Variants in SLC12A8 observed in about 807,000 individuals in gnomAD.
SLC12A8 encodes the protein cation-chloride cotransporter 9.
A neutral mutation model predicts 75.6 loss-of-function variants in SLC12A8; 69 were observed. The observed-to-expected ratio is 0.91, with a 90% confidence interval of 0.75 to 1.11. The LOEUF is 1.11. Among genes scored for constraint, SLC12A8 ranks in the 50% most tolerant of loss-of-function variants. The pLI is 0.00. For synonymous variants in SLC12A8, 365 were observed against 372.8 expected (o/e 0.98, Z 0.24); for missense variants, 877 against 896.7 (o/e 0.98, Z 0.28).
chr3:125,112,202 T>A (rs1489545238), intron 8 of SLC12A8, among the ~76,000 whole-genome samples: 1 of 152,218 alleles, frequency 6.6e-6, no homozygotes, highest in East Asian at 1.9e-4. Context: ...TAAGGTCCAC[T>A]ACGGAGCCCA....
intron 6 of SLC12A8, among the ~76,000 whole-genome samples, chr3:125,125,359 A>G (rs1257434864): frequency 6.6e-6 from 1 of 152,034 alleles, no homozygotes; most frequent in African/African-American, 2.4e-5. Flanking sequence ...GGAGTTGGAG[A>G]CCAGCCTGAC....
At chr3:125,108,151 G>C (rs1939088300) in intron 9 of SLC12A8, 25 bp from the exon 10 acceptor site, 2 of 1,586,008 alleles carry the variant, frequency 1.3e-6, no homozygotes, top group Non-Finnish European at 1.7e-6. Context: ...ATAACATGCA[G>C]GACCATAAAA....
chr3:125,193,294 T>G (rs1934942350), intron 2 of SLC12A8, among the ~76,000 whole-genome samples: 2 of 152,112 alleles, frequency 1.3e-5, no homozygotes, highest in South Asian at 4.2e-4. Context: ...CACTTGAACC[T>G]GGGAGGCTGA....
chr3:125,175,400 G>C (rs979122932), intron 5 of SLC12A8, among the ~76,000 whole-genome samples: 2 of 152,146 alleles, frequency 1.3e-5, no homozygotes, highest in Non-Finnish European at 2.9e-5. Flanking sequence ...GATTCTTGAG[G>C]AGCCAGTTGC....
intron 2 of SLC12A8, among the ~76,000 whole-genome samples, chr3:125,197,634 G>A (rs1440825414): frequency 6.6e-6 from 1 of 152,158 alleles, no homozygotes; most frequent in Non-Finnish European, 1.5e-5. Context: ...TTGTCACTGA[G>A]TGGACCTGGA....
At chr3:125,201,585 C>A (rs1470146728) in intron 2 of SLC12A8, among the ~76,000 whole-genome samples, 1 of 149,934 alleles carries the variant, frequency 6.7e-6, no homozygotes, top group Non-Finnish European at 1.5e-5. Flanking sequence ...CCAGCCTGGG[C>A]AAAATGGCAA....
At chr3:125,127,619 G>T (rs1933241157) in intron 6 of SLC12A8, among the ~76,000 whole-genome samples, 1 of 152,220 alleles carries the variant, frequency 6.6e-6, no homozygotes, top group South Asian at 2.1e-4. Flanking sequence ...CGCAAGTGAG[G>T]GACCTTGAAG....
At chr3:125,120,176 T>C (rs2107750538) in intron 7 of SLC12A8, among the ~76,000 whole-genome samples, 1 of 152,242 alleles carries the variant, frequency 6.6e-6, no homozygotes, top group Non-Finnish European at 1.5e-5. Context: ...TCCAGAGTCA[T>C]GCAGCCAATC....
At position 125,190,357 on chromosome 3, in the gene SLC12A8, C is replaced by T. The variant is rs1305127518; in HGVS notation, c.198+18G>A. On this transcript the variant is annotated intron_variant, in intron 3 of 13. Coordinates refer to ENST00000469902, the MANE Select transcript of SLC12A8 (RefSeq NM_024628.6). ...CTTGGGCCCGTGAGAGGCTCCAGGC[C>T]ACCAACTCAGCACTCACCACCAGCC... The T allele has an allele frequency of 6.2e-7, 1 of 1,613,324 alleles. No individual in the cohort carries two copies. Among genetic ancestry groups the T allele is most frequent in the African/African-American group, 1.3e-5 (1 of 74,908 alleles).
chr3:125,185,043 G>A (rs187264569), intron 4 of SLC12A8, among the ~76,000 whole-genome samples: 73 of 145,826 alleles, frequency 5.0e-4, no homozygotes, highest in Non-Finnish European at 1.1e-4. Flanking sequence ...ATTCATGGCC[G>A]AGCACAGTGG....
intron 5 of SLC12A8, among the ~76,000 whole-genome samples, chr3:125,140,772 T>C (rs187634363): frequency 1.5e-3 from 224 of 151,918 alleles, no homozygotes; most frequent in Non-Finnish European, 2.5e-3. Flanking sequence ...GAGGCTGGAG[T>C]GCAGTGGCAC....
At chr3:125,091,355 T>A in intron 12 of SLC12A8, 84 bp downstream of exon 12, 2 of 876,904 alleles carry the variant, frequency 2.3e-6, no homozygotes, top group South Asian at 2.8e-5. Flanking sequence ...GTGTTGGCAT[T>A]CAATTGATAT....
chr3:125,103,778 A>T (rs1009753097), intron 10 of SLC12A8, among the ~76,000 whole-genome samples: 8 of 152,102 alleles, frequency 5.3e-5, no homozygotes, highest in African/African-American at 1.7e-4. Context: ...GACTACAGGC[A>T]TGTGCCACTA....
chr3:125,110,583 A>G, intron 8 of SLC12A8: 1 of 313,834 alleles, frequency 3.2e-6, no homozygotes, highest in Non-Finnish European at 5.9e-6. Flanking sequence ...ACTCAGCTGC[A>G]GGGCTTGCTA....
At chr3:125,086,613 A>G (rs540114427) in intron 13 of SLC12A8, among the ~76,000 whole-genome samples, 1 of 152,226 alleles carries the variant, frequency 6.6e-6, no homozygotes. Flanking sequence ...ATCTATTTCC[A>G]TTTAAACTCT....
chr3:125,097,528 TTGTGTG>T (rs147038912), intron 10 of SLC12A8, among the ~76,000 whole-genome samples: 14,098 of 139,204 alleles, frequency 0.1, 766 homozygotes, highest in East Asian at 0.2. Context: ...CTAAAGGGAA[TTGTGTG>T]TGTGTGTGTG....
intron 4 of SLC12A8, among the ~76,000 whole-genome samples, chr3:125,180,100 TC>T (rs980442749): frequency 4.6e-5 from 7 of 151,212 alleles, no homozygotes; most frequent in South Asian, 2.1e-4. Flanking sequence ...TGCCTTTTGT[TC>T]CCAGTAACTC....
In SLC12A8 at chr3:125,083,721, CAAAAAA is replaced by C; in HGVS notation, c.*163_*168del. 1.8e-6 allele frequency: 1 copy of C among 562,806 alleles called. No homozygotes were observed. Among genetic ancestry groups the C allele is most frequent in the Non-Finnish European group, 2.8e-6 (1 of 352,980 alleles). 34.9% of individuals were successfully genotyped at this position (562,806 alleles called of 1,614,324 possible). A position where few individuals can be genotyped will look rare whatever the true frequency, so the allele number is the denominator to read the frequency against. On this transcript the variant is annotated 3_prime_UTR_variant, in exon 14 of 14. Transcript: ENST00000469902. Reference sequence around the variant, plus strand: ...TGGGTGACAGGGCGAGACTCTGTCTCAAAAAAAAAAAAAAAGGGAAAAGAAAATGTA... The same window carrying C: ...TGGGTGACAGGGCGAGACTCTGTCTCAAAAAAAAAGGGAAAAGAAAATGTA...
intron 6 of SLC12A8, among the ~76,000 whole-genome samples, chr3:125,122,189 TA>T (rs1449842636): frequency 6.6e-6 from 1 of 152,196 alleles, no homozygotes; most frequent in Non-Finnish European, 1.5e-5. Flanking sequence ...CCCATTATTA[TA>T]AAAATATATA....
Sources: gnomAD v4.1 joint callset for allele counts (sites outside exome capture counted in the v4.1 genomes callset) on GRCh38, gnomAD v4.1.1 for gene constraint, MANE v1.5 for transcripts, NCBI Gene and HGNC (gene_info 2026-07-23, HGNC 2026-07-21) for gene names.